MCPH1: variants seen among roughly 807,000 people sequenced by gnomAD.
MCPH1 encodes microcephalin 1.
A neutral mutation model predicts 84.5 loss-of-function variants in MCPH1; 104 were observed. That is an observed-to-expected ratio of 1.23 (90% CI 1.05 to 1.45). MCPH1 has a LOEUF of 1.45. Among genes scored for constraint, MCPH1 ranks in the 40% most tolerant of loss-of-function variants. MCPH1 has a pLI of 0.00. For missense variants in MCPH1, 1,498 were observed against 1,005.7 expected (o/e 1.49, Z -6.62); for synonymous variants, 514 against 366.8 (o/e 1.40, Z -4.58).
In MCPH1 at chr8:6,439,113, T is replaced by A. The variant is rs371426561; in HGVS notation, c.580+17T>A. 6.2e-7 allele frequency: 1 copy of A among 1,610,184 alleles called. No individual in the cohort carries two copies. Among genetic ancestry groups the A allele is most frequent in the Non-Finnish European group, 8.5e-7 (1 of 1,177,890 alleles). On this transcript the variant is annotated intron_variant, in intron 6 of 13. Transcript: ENST00000344683. Reference sequence around the variant, plus strand: ...CCCCCACCTGTAAGTAATTAGTTTGTAAAATGAAAATTATGCAAATAGCCG... The same window carrying A: ...CCCCCACCTGTAAGTAATTAGTTTGAAAAATGAAAATTATGCAAATAGCCG...
intron 12 of MCPH1, among the ~76,000 whole-genome samples, chr8:6,577,112 A>G (rs974637467): frequency 7.2e-5 from 11 of 152,282 alleles, no homozygotes; most frequent in Admixed American, 3.3e-4. Context: ...TTCCTGCTGC[A>G]CAGGAGGCCA....
intron 12 of MCPH1, among the ~76,000 whole-genome samples, chr8:6,534,614 TTTAAAAAATTAAAGTA>T (rs1213124962): frequency 4.6e-5 from 7 of 152,306 alleles, no homozygotes; most frequent in Admixed American, 4.6e-4. Flanking sequence ...AGACCACTAC[TTTAAAAAATTAAAGTA>T]TTAAAAAATT....
intron 12 of MCPH1, among the ~76,000 whole-genome samples, chr8:6,588,873 C>T (rs965405929): frequency 5.9e-5 from 9 of 152,240 alleles, no homozygotes; most frequent in Non-Finnish European, 8.8e-5. Context: ...CCAGTTCTCA[C>T]AGAAAAGACT....
At chr8:6,606,004 A>T (rs909486558) in intron 12 of MCPH1, among the ~76,000 whole-genome samples, 20 of 152,180 alleles carry the variant, frequency 1.3e-4, no homozygotes, top group African/African-American at 4.8e-4. Context: ...GCTTTGTAAA[A>T]AATTTTTAAA....
At chr8:6,598,167 A>C (rs945763003) in intron 12 of MCPH1, among the ~76,000 whole-genome samples, 1 of 152,310 alleles carries the variant, frequency 6.6e-6, no homozygotes, top group African/African-American at 2.4e-5. Context: ...TGGGAGGCAA[A>C]GGCGGTCAAT....
intron 12 of MCPH1, among the ~76,000 whole-genome samples, chr8:6,620,671 C>T (rs898412398): frequency 6.6e-6 from 1 of 152,150 alleles, no homozygotes; most frequent in African/African-American, 2.4e-5. Context: ...TGGCACATAA[C>T]CCATAGCATC....
chr8:6,479,694 A>G (rs1808944843), intron 10 of MCPH1, among the ~76,000 whole-genome samples: 1 of 152,060 alleles, frequency 6.6e-6, no homozygotes, highest in Admixed American at 6.5e-5. Flanking sequence ...GATTTTTTAA[A>G]TTTTCTGGGA....
intron 7 of MCPH1, 24 bp from the exon 8 acceptor site, chr8:6,444,369 T>C (rs1803943727): frequency 6.2e-7 from 1 of 1,613,764 alleles, no homozygotes; most frequent in African/African-American, 1.3e-5. Context: ...TTTTAAAAGT[T>C]AGCTCTCCGT....
intron 11 of MCPH1, among the ~76,000 whole-genome samples, chr8:6,485,623 G>A (rs1809792751): frequency 6.6e-6 from 1 of 151,840 alleles, no homozygotes; most frequent in Admixed American, 6.6e-5. Context: ...ATGGCAAAAC[G>A]TCACAAATGT....
At chr8:6,618,208 C>T (rs1404269562) in intron 12 of MCPH1, among the ~76,000 whole-genome samples, 3 of 152,112 alleles carry the variant, frequency 2.0e-5, no homozygotes, top group Non-Finnish European at 4.4e-5. Context: ...AGGTAACACA[C>T]AGGCTCCTTG....
chr8:6,641,329 C>G (rs761433987), intron 13 of MCPH1, among the ~76,000 whole-genome samples: 41 of 152,126 alleles, frequency 2.7e-4, no homozygotes, highest in Non-Finnish European at 4.4e-4. Context: ...ACTTTAAACC[C>G]TGAGTATCGG....
At chr8:6,544,654 A>G (rs1036830064) in intron 12 of MCPH1, among the ~76,000 whole-genome samples, 1 of 152,206 alleles carries the variant, frequency 6.6e-6, no homozygotes, top group Non-Finnish European at 1.5e-5. Context: ...GCAAGCACAT[A>G]TTTTATTTCT....
intron 2 of MCPH1, among the ~76,000 whole-genome samples, chr8:6,411,230 C>A (rs1302306576): frequency 6.6e-6 from 1 of 152,036 alleles, no homozygotes; most frequent in African/African-American, 2.4e-5. Flanking sequence ...CGGGTGCTGC[C>A]CCAAGTTCCT....
At chr8:6,592,002 G>C (rs544157653) in intron 12 of MCPH1, among the ~76,000 whole-genome samples, 56 of 152,288 alleles carry the variant, frequency 3.7e-4, no homozygotes, top group African/African-American at 1.3e-3. Context: ...GTGAGAGTGG[G>C]AAACCATGTG....
At chr8:6,617,431 C>A (rs1259555125) in intron 12 of MCPH1, among the ~76,000 whole-genome samples, 1 of 151,786 alleles carries the variant, frequency 6.6e-6, no homozygotes, top group African/African-American at 2.4e-5. Context: ...AAAAAATTAT[C>A]TTTTAACATT....
chr8:6,617,958 G>A (rs114622098), intron 12 of MCPH1, among the ~76,000 whole-genome samples: 2,313 of 78,492 alleles, frequency 0.029, 61 homozygotes, highest in African/African-American at 0.093. Context: ...TATCTATCTA[G>A]ATGGGGTCTG....
chr8:6,574,324 C>T (rs1161730685), intron 12 of MCPH1, among the ~76,000 whole-genome samples: 4 of 152,082 alleles, frequency 2.6e-5, no homozygotes, highest in Admixed American at 2.6e-4. Context: ...TTGCTGGCCT[C>T]ATCGTCTCAT....
intron 12 of MCPH1, among the ~76,000 whole-genome samples, chr8:6,579,484 A>C (rs1031244485): frequency 4.6e-5 from 7 of 152,204 alleles, no homozygotes; most frequent in African/African-American, 1.7e-4. Flanking sequence ...GCAATCCTGC[A>C]TTAGTAAGGG....
At chr8:6,546,526 G>T (rs1026833613) in intron 12 of MCPH1, among the ~76,000 whole-genome samples, 1 of 130,880 alleles carries the variant, frequency 7.6e-6, no homozygotes, top group African/African-American at 3.1e-5. Context: ...ACTTAAGAAA[G>T]AAAATAAAGG....
Sources: allele counts gnomAD v4.1 joint callset (sites outside exome capture counted in the v4.1 genomes callset), GRCh38; gene constraint gnomAD v4.1.1; transcripts MANE v1.5; gene names NCBI Gene and HGNC (gene_info 2026-07-23, HGNC 2026-07-21).